The following SLC24A2 variants were observed in gnomAD, a reference collection of about 807,000 sequenced individuals.
SLC24A2 encodes the protein sodium/potassium/calcium exchanger 2.
A neutral mutation model predicts 62.0 loss-of-function variants in SLC24A2; 36 were observed. That is an observed-to-expected ratio of 0.58 (90% CI 0.44 to 0.77). The LOEUF is 0.77. Among genes scored for constraint, SLC24A2 ranks in the 30% least tolerant of loss-of-function variants. The pLI is 0.00. For synonymous variants in SLC24A2, 358 were observed against 294.0 expected (o/e 1.22, Z -2.23); for missense variants, 846 against 817.9 (o/e 1.03, Z -0.42).
chr9:20,202,965 A>C, the SLC24A2 span, among the ~76,000 whole-genome samples: 2 of 152,182 alleles, frequency 1.3e-5, no homozygotes, highest in South Asian at 4.1e-4. Flanking sequence ...ATTGGAGTAA[A>C]GTAGATTTCC....
intron 9 of SLC24A2, among the ~76,000 whole-genome samples, chr9:19,526,550 G>C (rs1326650613): frequency 6.6e-6 from 1 of 152,156 alleles, no homozygotes; most frequent in African/African-American, 2.4e-5. Flanking sequence ...ATCCTAGTGG[G>C]TGTAAAGTGG....
the SLC24A2 span, among the ~76,000 whole-genome samples, chr9:19,959,929 G>A: frequency 6.6e-6 from 1 of 152,192 alleles, no homozygotes; most frequent in East Asian, 1.9e-4. Context: ...TATACACCTA[G>A]TAAGTTGGGA....
the SLC24A2 span, among the ~76,000 whole-genome samples, chr9:20,085,881 C>A: frequency 6.6e-6 from 1 of 152,142 alleles, no homozygotes; most frequent in Admixed American, 6.5e-5. Context: ...GTTTTTACTG[C>A]TTTCCCTTTG....
chr9:19,750,212 A>C (rs1275978151), intron 2 of SLC24A2, among the ~76,000 whole-genome samples: 1 of 152,120 alleles, frequency 6.6e-6, no homozygotes, highest in Admixed American at 6.5e-5. Context: ...ATTCACTGGG[A>C]ATACCAGAAA....
chr9:20,198,763 G>A, the SLC24A2 span, among the ~76,000 whole-genome samples: 18 of 151,332 alleles, frequency 1.2e-4, no homozygotes, highest in African/African-American at 3.6e-4. Context: ...CCTGGGTTTC[G>A]GCTGGGTCTG....
the SLC24A2 span, among the ~76,000 whole-genome samples, chr9:20,200,981 A>C: frequency 6.6e-6 from 1 of 152,334 alleles, no homozygotes. Flanking sequence ...AAATCACAAA[A>C]TACAGCCCAG....
At chr9:19,751,516 T>C (rs1477723368) in intron 2 of SLC24A2, among the ~76,000 whole-genome samples, 6 of 152,128 alleles carry the variant, frequency 3.9e-5, no homozygotes, top group Admixed American at 1.3e-4. Context: ...CCAGGTGATT[T>C]TACTGTGCAG....
chr9:20,033,264 T>C, the SLC24A2 span, among the ~76,000 whole-genome samples: 7 of 152,294 alleles, frequency 4.6e-5, no homozygotes, highest in Admixed American at 2.0e-4. Flanking sequence ...CAGACCTGGG[T>C]CCAAATTCAA....
the SLC24A2 span, among the ~76,000 whole-genome samples, chr9:20,018,066 C>A: frequency 6.6e-6 from 1 of 152,196 alleles, no homozygotes; most frequent in Admixed American, 6.5e-5. Flanking sequence ...CCTGCCTCAG[C>A]CTCCCAAGTA....
chr9:20,148,812 C>G, the SLC24A2 span, among the ~76,000 whole-genome samples: 8 of 152,050 alleles, frequency 5.3e-5, no homozygotes, highest in South Asian at 1.5e-3. Flanking sequence ...GTGGATGGAG[C>G]ACATACCCCT....
At chr9:19,577,194 A>G (rs947173391) in intron 5 of SLC24A2, among the ~76,000 whole-genome samples, 172 bp from the exon 6 acceptor site, 2 of 152,018 alleles carry the variant, frequency 1.3e-5, no homozygotes, top group Admixed American at 1.3e-4. Flanking sequence ...GCCTTTGTAG[A>G]TTTTTCAGCC....
chr9:19,564,363 C>T (rs900060124), intron 7 of SLC24A2, among the ~76,000 whole-genome samples: 4 of 152,082 alleles, frequency 2.6e-5, no homozygotes, highest in Admixed American at 2.6e-4. Context: ...TTAAAAACTC[C>T]ACTGAGTTTA....
chr9:20,200,023 G>A, the SLC24A2 span, among the ~76,000 whole-genome samples: 5,986 of 151,516 alleles, frequency 0.04, 403 homozygotes, highest in African/African-American at 0.14. Flanking sequence ...GAGACACCGC[G>A]ACCAGCTGAT....
intron 2 of SLC24A2, among the ~76,000 whole-genome samples, chr9:19,767,656 G>A (rs1219100525): frequency 6.6e-6 from 1 of 152,180 alleles, no homozygotes; most frequent in Non-Finnish European, 1.5e-5. Context: ...GTCCCAGTGA[G>A]GTGAACCGGG....
At chr9:20,269,489 G>A in the SLC24A2 span, among the ~76,000 whole-genome samples, 1 of 152,100 alleles carries the variant, frequency 6.6e-6, no homozygotes, top group Non-Finnish European at 1.5e-5. Flanking sequence ...AGGCAGGTGG[G>A]GTACAGTAAG....
intron 2 of SLC24A2, among the ~76,000 whole-genome samples, chr9:19,735,556 A>G: frequency 6.6e-6 from 1 of 152,206 alleles, no homozygotes. Context: ...ACACATGCAC[A>G]TGTATGTTTA....
the SLC24A2 span, among the ~76,000 whole-genome samples, chr9:20,116,642 A>G: frequency 6.6e-6 from 1 of 152,150 alleles, no homozygotes; most frequent in Non-Finnish European, 1.5e-5. Context: ...GATCATGTCT[A>G]GGATGTATTA....
chr9:20,070,747 T>C, the SLC24A2 span, among the ~76,000 whole-genome samples: 1 of 152,192 alleles, frequency 6.6e-6, no homozygotes, highest in African/African-American at 2.4e-5. Flanking sequence ...CCTCTAAGGA[T>C]TTACAAATAG....
intron 7 of SLC24A2, among the ~76,000 whole-genome samples, chr9:19,570,368 C>G (rs556810432): frequency 6.6e-6 from 1 of 152,334 alleles, no homozygotes; most frequent in Middle Eastern, 3.4e-3. Flanking sequence ...CAACACCCAG[C>G]TTGAATGTTG....
Sources: allele counts gnomAD v4.1 joint callset (sites outside exome capture counted in the v4.1 genomes callset), GRCh38; gene constraint gnomAD v4.1.1; transcripts MANE v1.5; gene names NCBI Gene and HGNC (gene_info 2026-07-23, HGNC 2026-07-21).